Variants in RIPOR2 observed in about 807,000 individuals in gnomAD.
RIPOR2 encodes RHO family interacting cell polarization regulator 2.
RIPOR2 carries 39 observed loss-of-function variants against 114.5 expected under a neutral mutation model. That is an observed-to-expected ratio of 0.34 (90% confidence interval 0.26 to 0.44). RIPOR2 has a LOEUF of 0.44. RIPOR2 is among the 20% of genes least tolerant of loss of function. The probability of loss-of-function intolerance (pLI) is 1.00; values close to 1 mark genes in which losing one functional copy is unlikely to be tolerated. For missense variants in RIPOR2, 1,007 were observed against 1,255.1 expected (o/e 0.80, Z 2.99); for synonymous variants, 445 against 484.4 (o/e 0.92, Z 1.07).
intron 1 of RIPOR2, chr6:24,876,985 G>A: frequency 3.0e-6 from 3 of 985,410 alleles, no homozygotes; most frequent in Non-Finnish European, 3.6e-6. Flanking sequence ...TCCAGAGAGG[G>A]GGACAGGCTA....
chr6:24,870,578 C>A (rs1276924273), intron 5 of RIPOR2, among the ~76,000 whole-genome samples: 1 of 152,194 alleles, frequency 6.6e-6, no homozygotes, highest in African/African-American at 2.4e-5. Context: ...GCAATCACGG[C>A]TCACTGCTGC....
intron 1 of RIPOR2, among the ~76,000 whole-genome samples, chr6:25,035,529 C>T (rs1173399360): frequency 5.9e-5 from 9 of 152,174 alleles, no homozygotes; most frequent in African/African-American, 1.9e-4. Flanking sequence ...GGCAGCAACA[C>T]GGTTTCTGCT....
chr6:24,928,242 AT>A (rs1159222676), intron 1 of RIPOR2, among the ~76,000 whole-genome samples: 1 of 152,174 alleles, frequency 6.6e-6, no homozygotes, highest in African/African-American at 2.4e-5. Context: ...TTTTCCTAAT[AT>A]TTTAGTCACG....
At chr6:24,887,122 C>A (rs902912899) in intron 1 of RIPOR2, among the ~76,000 whole-genome samples, 2 of 152,178 alleles carry the variant, frequency 1.3e-5, no homozygotes, top group African/African-American at 4.8e-5. Flanking sequence ...AGCAGCACAG[C>A]CAGAGGGCTC....
chr6:24,840,160 A>C, intron 13 of RIPOR2: 4 of 859,738 alleles, frequency 4.7e-6, no homozygotes, highest in South Asian at 5.0e-5. Flanking sequence ...TATGTTGACC[A>C]TACCGGTCTT....
intron 1 of RIPOR2, among the ~76,000 whole-genome samples, chr6:24,954,118 A>G (rs1301827050): frequency 6.6e-6 from 1 of 152,196 alleles, no homozygotes; most frequent in East Asian, 1.9e-4. Flanking sequence ...GCCCAAGCAT[A>G]CTAATACAGA....
intron 1 of RIPOR2, among the ~76,000 whole-genome samples, chr6:24,968,874 G>C (rs139033812): frequency 6.5e-4 from 99 of 152,294 alleles, no homozygotes; most frequent in African/African-American, 2.3e-3. Context: ...TAGAAACCCT[G>C]CGTGACATCA....
intron 1 of RIPOR2, among the ~76,000 whole-genome samples, chr6:25,031,734 T>TAAA (rs1561855805): frequency 3.9e-5 from 4 of 101,890 alleles, no homozygotes; most frequent in Non-Finnish European, 7.9e-5. Context: ...TATATATATA[T>TAAA]ATATATATAT....
At chr6:24,895,977 C>T (rs113988501) in intron 1 of RIPOR2, among the ~76,000 whole-genome samples, 6 of 152,004 alleles carry the variant, frequency 3.9e-5, no homozygotes, top group African/African-American at 1.4e-4. Context: ...GGGAACAGAG[C>T]GAGACTCCGT....
rs70974959 is a variant in RIPOR2, at chr6:24,989,301, CT to C, written c.76+52549del. Among the ~76,000 whole-genome samples the C allele has an allele frequency of 6.8e-3, 987 of 145,962 alleles. 15 individuals are homozygous for C. Among genetic ancestry groups the C allele is most frequent in the African/African-American group, 0.021 (828 of 39,924 alleles). ...TTATACTAATTGTACTTGTCTTTTT[CT>C]TTTTTTTTTTCGAGACAGAATCTTG... On this transcript the variant is annotated intron_variant, in intron 1 of 13. Coordinates refer to the RIPOR2 transcript ENST00000510784.
Position 24,872,871 on chromosome 6 carries a change from T to C in RIPOR2, c.423+10A>G. On this transcript the variant is annotated intron_variant, in intron 4 of 21. Coordinates refer to ENST00000643898, the MANE Select transcript of RIPOR2 (RefSeq NM_001286445.3). ...CAGTGTTAACATCATAATGACTGCA[T>C]AGTACCTACCAGGCGAGAGTTTCTT... 1 of 1,575,974 alleles carries C rather than the reference T, an allele frequency of 6.3e-7. No individual in the cohort carries two copies. Among genetic ancestry groups the C allele is most frequent in the African/African-American group, 1.3e-5 (1 of 74,284 alleles).
chr6:24,843,767 A>G (rs1167367277), intron 12 of RIPOR2, among the ~76,000 whole-genome samples: 1 of 150,692 alleles, frequency 6.6e-6, no homozygotes, highest in Non-Finnish European at 1.5e-5. Context: ...AAAACAGACC[A>G]TCAAGGACTG....
chr6:24,937,890 C>G (rs1246156149), upstream of RIPOR2, among the ~76,000 whole-genome samples: 1 of 152,096 alleles, frequency 6.6e-6, no homozygotes, highest in Non-Finnish European at 1.5e-5. Context: ...CTGCAGCATC[C>G]CCGTGGCTCT....
intron 1 of RIPOR2, among the ~76,000 whole-genome samples, chr6:25,036,828 C>A (rs147586166): frequency 7.9e-5 from 12 of 152,190 alleles, no homozygotes; most frequent in African/African-American, 2.9e-4. Flanking sequence ...ACAGGAGTCA[C>A]ACCCCTAGGG....
intron 1 of RIPOR2, among the ~76,000 whole-genome samples, chr6:24,984,361 G>T (rs1181963188): frequency 1.3e-5 from 2 of 152,034 alleles, no homozygotes; most frequent in Non-Finnish European, 2.9e-5. Context: ...GGCAGGGGTG[G>T]ATCTCACAAA....
intron 1 of RIPOR2, among the ~76,000 whole-genome samples, chr6:24,888,216 C>A (rs998632263): frequency 1.3e-5 from 2 of 152,150 alleles, no homozygotes; most frequent in Non-Finnish European, 2.9e-5. Flanking sequence ...ATACACCGAC[C>A]AGGGATCCTC....
At chr6:24,983,892 T>C (rs1774417733) in intron 1 of RIPOR2, among the ~76,000 whole-genome samples, 1 of 151,780 alleles carries the variant, frequency 6.6e-6, no homozygotes, top group Non-Finnish European at 1.5e-5. Context: ...TCCAATGGTA[T>C]AGAAAGAGAA....
upstream of RIPOR2, among the ~76,000 whole-genome samples, chr6:24,936,778 C>T (rs528317437): frequency 1.9e-4 from 29 of 152,348 alleles, no homozygotes; most frequent in South Asian, 1.7e-3. Context: ...AAACACACAT[C>T]TCTCTGAGTA....
intron 1 of RIPOR2, among the ~76,000 whole-genome samples, chr6:24,891,195 C>G (rs1165391788): frequency 1.3e-5 from 2 of 152,130 alleles, no homozygotes; most frequent in East Asian, 3.9e-4. Flanking sequence ...AGTGGCTTCC[C>G]AGAGGCCTGT....
Sources: gnomAD v4.1 joint callset for allele counts (sites outside exome capture counted in the v4.1 genomes callset) on GRCh38, gnomAD v4.1.1 for gene constraint, MANE v1.5 for transcripts, NCBI Gene and HGNC (gene_info 2026-07-23, HGNC 2026-07-21) for gene names.